Variants in ERH observed in about 807,000 individuals in gnomAD.
ERH encodes ERH mRNA splicing and mitosis factor.
Under a neutral mutation model 16.8 loss-of-function variants are expected in ERH, and 1 was observed. The observed-to-expected ratio is 0.06, with a 90% confidence interval of 0.02 to 0.28. ERH has a LOEUF of 0.28. Among genes scored for constraint, ERH ranks in the 10% least tolerant of loss-of-function variants. ERH has a pLI of 1.00. For synonymous variants in ERH, 43 were observed against 43.6 expected (o/e 0.99, Z 0.05); for missense variants, 42 against 127.5 (o/e 0.33, Z 3.23).
chr14:69,398,277 C>T lies in ERH; in HGVS notation c.-44G>A, dbSNP rs375970856. On this transcript the variant is annotated 5_prime_UTR_variant, in exon 1 of 4. Transcript: ENST00000557016. ...CTACAGCAGCTGCCGACACCGCCGC[C>T]GTTACACGAGCTTAACTACAACGCC... 6 of 1,613,574 alleles carry T rather than the reference C, an allele frequency of 3.7e-6. No homozygotes were observed. In the African/African-American group the frequency reaches 6.7e-5, roughly 18 times the overall value.
intron 2 of ERH, among the ~76,000 whole-genome samples, chr14:69,389,703 T>C (rs1000950375): frequency 6.6e-5 from 10 of 152,224 alleles, no homozygotes; most frequent in Admixed American, 1.3e-4. Flanking sequence ...AAGAATAAAA[T>C]TCTTAGAAAT....
chr14:69,394,819 A>T lies in ERH; in HGVS notation c.91+6T>A. 1 of 1,606,254 alleles carries T rather than the reference A, an allele frequency of 6.2e-7. No individual in the cohort carries two copies. The highest frequency in any genetic ancestry group is 8.5e-7 in the Non-Finnish European group (1 of 1,174,422). On this transcript the variant is annotated splice_donor_region_variant and intron_variant, in intron 2 of 3. Coordinates refer to ENST00000557016, the MANE Select transcript of ERH (RefSeq NM_004450.3). Reference sequence around the variant, plus strand: ...TTTTCTACCCCTTGATTAGTGTTAAACTCACCTTCCATGCATTCATTCACA... The same window carrying T: ...TTTTCTACCCCTTGATTAGTGTTAATCTCACCTTCCATGCATTCATTCACA...
rs1308688183 is a variant in ERH at position 69,394,811 on chromosome 14, A to AGT, written c.91+12_91+13dup. The AGT allele has an allele frequency of 2.5e-6, 4 of 1,581,286 alleles. No individual in the cohort carries two copies. The highest frequency in any genetic ancestry group is 3.5e-6 in the Non-Finnish European group (4 of 1,158,812). On this transcript the variant is annotated intron_variant, in intron 2 of 3. Coordinates refer to ENST00000557016, the MANE Select transcript of ERH (RefSeq NM_004450.3). ...TGAGACATTTTTCTACCCCTTGATT[A>AGT]GTGTTAAACTCACCTTCCATGCATT...
At chr14:69,394,605 CATAA>C (rs1485666149) in intron 2 of ERH, among the ~76,000 whole-genome samples, 7 of 124,696 alleles carry the variant, frequency 5.6e-5, no homozygotes, top group Non-Finnish European at 1.3e-4. Context: ...TCAAATAATA[CATAA>C]ATAAACAAAC....
chr14:69,396,939 C>A (rs902227621), intron 1 of ERH, among the ~76,000 whole-genome samples: 1 of 152,204 alleles, frequency 6.6e-6, no homozygotes, highest in African/African-American at 2.4e-5. Context: ...GTAGAAACCA[C>A]GTGCATTCTT....
chr14:69,385,649 AG>A (rs1310713305), intron 3 of ERH, among the ~76,000 whole-genome samples: 11 of 134,454 alleles, frequency 8.2e-5, no homozygotes, highest in African/African-American at 1.7e-4. Flanking sequence ...AATAAAAAAA[AG>A]GAAAAAAAAA....
At chr14:69,388,990 C>T (rs951649061) in intron 2 of ERH, among the ~76,000 whole-genome samples, 12 of 151,810 alleles carry the variant, frequency 7.9e-5, no homozygotes, top group South Asian at 2.1e-4. Flanking sequence ...AAAATAAATT[C>T]GTATATGTTA....
intron 2 of ERH, among the ~76,000 whole-genome samples, chr14:69,392,824 C>A (rs1882248491): frequency 6.6e-6 from 1 of 152,092 alleles, no homozygotes; most frequent in Non-Finnish European, 1.5e-5. Context: ...AGTTTCTGTT[C>A]AATTTTTCTA....
Position 69,380,518 on chromosome 14 carries a change from C to G in ERH, c.*20G>C, listed in dbSNP as rs368967447. The G allele has an allele frequency of 7.4e-7, 1 of 1,345,200 alleles. No homozygotes were observed. Among genetic ancestry groups the G allele is most frequent in the Non-Finnish European group, 1.1e-6 (1 of 935,566 alleles). 83.3% of individuals were successfully genotyped at this position (1,345,200 alleles called of 1,614,324 possible). On this transcript the variant is annotated 3_prime_UTR_variant, in exon 4 of 4. Coordinates refer to ENST00000557016, the MANE Select transcript of ERH (RefSeq NM_004450.3). ...CTGTGTTCCAAGCCCACCCCAACCCCCCCAGTGCTTCCAACACAATTATTT... is the reference window on the plus strand; with the variant it reads ...CTGTGTTCCAAGCCCACCCCAACCCGCCCAGTGCTTCCAACACAATTATTT...
At chr14:69,386,919 G>C in intron 3 of ERH, 44 bp downstream of exon 3, 1 of 1,599,788 alleles carries the variant, frequency 6.3e-7, no homozygotes, top group Non-Finnish European at 8.5e-7. Flanking sequence ...AGACAGAAAA[G>C]CAATAGAAAA....
Position 69,394,870 on chromosome 14 carries a change from CT to C in ERH, c.45del (p.Gly16AlafsTer10). The C allele has an allele frequency of 6.2e-7, 1 of 1,614,032 alleles. No homozygotes were observed. Among genetic ancestry groups the C allele is most frequent in the Non-Finnish European group, 8.5e-7 (1 of 1,179,926 alleles). The stretch of plus-strand genomic sequence containing the variant: ...GATTCGTAGTCAGCATAAGTTCTGC[CT>C]TCTGGCCTCTTGGTAGGCTGTACCA... Reference protein sequence around the residue: ...ILLVQPTKRPEGRTYADYESV... With the variant: ...ILLVQPTKRPXGRTYADYESV... On this transcript the variant is annotated frameshift_variant, in exon 2 of 4. Transcript: ENST00000557016. LOFTEE classifies it high-confidence loss of function.
chr14:69,381,391 T>C (rs2140227256), intron 3 of ERH, among the ~76,000 whole-genome samples: 1 of 152,354 alleles, frequency 6.6e-6, no homozygotes, highest in African/African-American at 2.4e-5. Context: ...CTTCCCCCTG[T>C]AAAGTATTAA....
chr14:69,397,951 C>A (rs1238934369), intron 1 of ERH: 3 of 587,560 alleles, frequency 5.1e-6, no homozygotes, highest in Admixed American at 3.0e-5. Context: ...ACGTCTCCCT[C>A]TACCGAGTAA....
At chr14:69,387,171 A>G (rs1295258916) in intron 2 of ERH, 88 bp from the exon 3 acceptor site, 6 of 1,050,602 alleles carry the variant, frequency 5.7e-6, no homozygotes, top group Non-Finnish European at 6.8e-6. Flanking sequence ...CTATATGTTG[A>G]TATCATATTT....
intron 3 of ERH, among the ~76,000 whole-genome samples, chr14:69,383,904 T>C (rs117457890): frequency 0.017 from 2,520 of 152,280 alleles, 39 homozygotes; most frequent in Non-Finnish European, 0.024. Context: ...TATCACTCCT[T>C]GGGGAGGCTG....
At chr14:69,389,273 C>T (rs1217415186) in intron 2 of ERH, among the ~76,000 whole-genome samples, 8 of 152,082 alleles carry the variant, frequency 5.3e-5, no homozygotes, top group East Asian at 1.9e-4. Context: ...GTGATCCACC[C>T]GCGTCGGCCT....
chr14:69,380,688 C>G (rs2045857730), intron 3 of ERH, 48 bp from the exon 4 acceptor site: 1 of 1,104,164 alleles, frequency 9.1e-7, no homozygotes. Flanking sequence ...CAATCACTGC[C>G]AGGTGTTTAA....
intron 2 of ERH, 88 bp from the exon 3 acceptor site, chr14:69,387,171 A>T (rs1295258916): frequency 9.5e-7 from 1 of 1,050,484 alleles, no homozygotes; most frequent in African/African-American, 1.6e-5. Context: ...CTATATGTTG[A>T]TATCATATTT....
Position 69,398,223 on chromosome 14 carries a change from T to G in ERH, c.3+8A>C. On this transcript the variant is annotated splice_region_variant and intron_variant, in intron 1 of 3. Coordinates refer to ENST00000557016, the MANE Select transcript of ERH (RefSeq NM_004450.3). ...TCGGACTCGGGTAGCCGCGGAGGCC[T>G]TTCTCACCATCGCGCCAAACTCTCT... The G allele has an allele frequency of 6.2e-7, 1 of 1,613,986 alleles. No homozygotes were observed. The highest frequency in any genetic ancestry group is 8.5e-7 in the Non-Finnish European group (1 of 1,180,000).
Sources: gnomAD v4.1 joint callset for allele counts (sites outside exome capture counted in the v4.1 genomes callset) on GRCh38, gnomAD v4.1.1 for gene constraint, MANE v1.5 for transcripts, NCBI Gene and HGNC (gene_info 2026-07-23, HGNC 2026-07-21) for gene names.